Variants in CEACAM20 observed in about 807,000 individuals in gnomAD.
The protein encoded by CEACAM20 is cell adhesion molecule CEACAM20.
A neutral mutation model predicts 61.2 loss-of-function variants in CEACAM20; 50 were observed. The observed-to-expected ratio is 0.82, with a 90% CI of 0.65 to 1.03. CEACAM20 has a LOEUF of 1.03. Among genes scored for constraint, CEACAM20 ranks in the 50% least tolerant of loss-of-function variants. The pLI, the probability that CEACAM20 is intolerant of heterozygous loss-of-function variation, is 0.00. For synonymous variants in CEACAM20, 282 were observed against 287.7 expected (o/e 0.98, Z 0.20); for missense variants, 683 against 736.4 (o/e 0.93, Z 0.84).
intron 11 of CEACAM20, among the ~76,000 whole-genome samples, chr19:44,508,627 T>C (rs2123544466): frequency 6.6e-6 from 1 of 152,290 alleles, no homozygotes; most frequent in East Asian, 1.9e-4. Context: ...TGACCTCAAG[T>C]GATCTGCTCG....
intron 2 of CEACAM20, among the ~76,000 whole-genome samples, chr19:44,524,884 CT>C (rs140288730): frequency 0.017 from 2,658 of 152,102 alleles, 91 homozygotes; most frequent in African/African-American, 0.06. Flanking sequence ...CCCAGCCCCC[CT>C]ACCCACTTTT....
chr19:44,512,998 C>G (rs766055132), intron 7 of CEACAM20, 45 bp from the exon 8 acceptor site: 13 of 1,520,592 alleles, frequency 8.5e-6, no homozygotes, highest in Middle Eastern at 1.7e-4. Flanking sequence ...TAGTCCTTGC[C>G]CATCTCCACA....
rs1461235291 is a variant in CEACAM20 at position 44,523,041 on chromosome 19, G to C, written c.473-129C>G. 8 of 779,768 alleles carry C rather than the reference G, an allele frequency of 1.0e-5. No homozygotes were observed. In the East Asian group the frequency reaches 2.2e-4, roughly 21 times the overall value. The allele number at this position is 779,768 out of a possible 1,614,324, so 48.3% of individuals were successfully genotyped here. On this transcript the variant is annotated intron_variant, in intron 3 of 11. Coordinates refer to ENST00000614924, the MANE Select transcript of CEACAM20 (RefSeq NM_001102597.3). ...CTCAAAGGCTAGATCAATTGCAAACGAGGTACAGCAGTCAGATGGAGATGA... is the reference window on the plus strand; with the variant it reads ...CTCAAAGGCTAGATCAATTGCAAACCAGGTACAGCAGTCAGATGGAGATGA...
At chr19:44,516,345 C>T (rs1183324267) in intron 6 of CEACAM20, among the ~76,000 whole-genome samples, 1 of 152,172 alleles carries the variant, frequency 6.6e-6, no homozygotes, top group Admixed American at 6.5e-5. Flanking sequence ...GCTGTGTCCC[C>T]ACCCAAATCT....
At position 44,524,158 on chromosome 19, in the gene CEACAM20, G is replaced by A. The variant is rs1172527405; in HGVS notation, c.300C>T (p.His100=). 6.2e-7 allele frequency: 1 copy of A among 1,613,944 alleles called. No homozygotes were observed. The highest frequency in any genetic ancestry group is 1.7e-5 in the Admixed American group (1 of 59,994). ...CTTKDVNITI[H]WVSNNLSIVF... ...CAATGGAGAGGTTGTTGGAAACCCA[G>A]TGGATGGTAATGTTGACGTCCTTAG... Residue 100 remains histidine, a synonymous_variant, in exon 3 of 12, where the codon CAC becomes CAT. Coordinates refer to ENST00000614924, the MANE Select transcript of CEACAM20 (RefSeq NM_001102597.3).
intron 5 of CEACAM20, among the ~76,000 whole-genome samples, chr19:44,519,559 C>T (rs1317187464): frequency 6.6e-6 from 1 of 152,180 alleles, no homozygotes; most frequent in Admixed American, 6.5e-5. Flanking sequence ...GTTCGTGACT[C>T]CTACATCCTT....
intron 8 of CEACAM20, 120 bp downstream of exon 8, chr19:44,512,748 G>C (rs967237188): frequency 2.7e-6 from 2 of 747,252 alleles, no homozygotes; most frequent in Admixed American, 2.5e-5. Flanking sequence ...GAGGCTCAGA[G>C]TGGACAGGGC....
chr19:44,520,768 G>A lies in CEACAM20; in HGVS notation c.752-16C>T. Reference sequence around the variant, plus strand: ...GTCAGTGTTTCTGGAAACACGTGGAGATACACAGTCAGGTTCAGGGAGATT... The same window carrying A: ...GTCAGTGTTTCTGGAAACACGTGGAAATACACAGTCAGGTTCAGGGAGATT... On this transcript the variant is annotated splice_polypyrimidine_tract_variant and intron_variant, in intron 4 of 11. Transcript: ENST00000614924. 6.2e-7 allele frequency: 1 copy of A among 1,607,612 alleles called. No homozygotes were observed. Among genetic ancestry groups the A allele is most frequent in the Non-Finnish European group, 8.5e-7 (1 of 1,176,918 alleles).
At chr19:44,508,648 C>T (rs1970885639) in intron 11 of CEACAM20, among the ~76,000 whole-genome samples, 1 of 152,202 alleles carries the variant, frequency 6.6e-6, no homozygotes, top group Non-Finnish European at 1.5e-5. Flanking sequence ...CCTCCACCTC[C>T]CAAAGTGCTG....
intron 5 of CEACAM20, among the ~76,000 whole-genome samples, chr19:44,519,363 A>G (rs539377744): frequency 2.0e-5 from 3 of 152,328 alleles, no homozygotes; most frequent in South Asian, 2.1e-4. Context: ...AGCACAAAAC[A>G]TATATTTTTG....
chr19:44,508,180 C>T (rs1005990423), intron 11 of CEACAM20, among the ~76,000 whole-genome samples: 4 of 152,188 alleles, frequency 2.6e-5, no homozygotes, highest in African/African-American at 9.7e-5. Context: ...TGGATAAATT[C>T]TGACTGGTCA....
chr19:44,526,625 C>A (rs1238750193), intron 1 of CEACAM20, among the ~76,000 whole-genome samples: 1 of 151,972 alleles, frequency 6.6e-6, no homozygotes, highest in African/African-American at 2.4e-5. Flanking sequence ...GCTTGTAATC[C>A]CAGCTCTTTG....
chr19:44,513,331 C>T, intron 6 of CEACAM20, 42 bp from the exon 7 acceptor site: 3 of 1,325,536 alleles, frequency 2.3e-6, no homozygotes, highest in South Asian at 1.2e-5. Flanking sequence ...TTGACACACC[C>T]TCATCCCTGC....
chr19:44,507,049 C>T (rs1194627552), intron 11 of CEACAM20, among the ~76,000 whole-genome samples: 7 of 152,202 alleles, frequency 4.6e-5, no homozygotes, highest in Admixed American at 4.6e-4. Context: ...GTAGCAGACA[C>T]TGAGTTCACT....
At chr19:44,521,594 A>C (rs553082547) in intron 4 of CEACAM20, among the ~76,000 whole-genome samples, 44 of 151,340 alleles carry the variant, frequency 2.9e-4, no homozygotes, top group Admixed American at 5.3e-4. Flanking sequence ...GTATATGTGT[A>C]TGTGCTGTGG....
chr19:44,525,218 G>C lies in CEACAM20; in HGVS notation c.79C>G (p.Pro27Ala), dbSNP rs557857518. The C allele has an allele frequency of 6.2e-7, 1 of 1,608,194 alleles. No individual in the cohort carries two copies. The highest frequency in any genetic ancestry group is 8.5e-7 in the Non-Finnish European group (1 of 1,177,736). Residue 27 changes from proline (P) to alanine (A), a missense_variant, in exon 2 of 12, where the codon CCA (proline) becomes GCA (alanine). By Grantham distance (27) the Pro-to-Ala change is conservative. Transcript: ENST00000614924. Reference protein sequence around the residue: ...SASLCTVWSPPAAAQLTLNAN... With the variant: ...SASLCTVWSPAAAAQLTLNAN... ...TTGAGGGTGAGCTGGGCTGCAGCTG[G>C]AGGACTCCATACGGTACAAAGCGAG... is the stretch of plus-strand genomic sequence containing the variant.
chr19:44,510,616 AAGGAAGG>A (rs1599664209), intron 11 of CEACAM20, among the ~76,000 whole-genome samples: 1,903 of 89,408 alleles, frequency 0.021, 68 homozygotes, highest in East Asian at 0.033. Flanking sequence ...AAGAAAAAGG[AAGGAAGG>A]AAGAAAGAAA....
intron 6 of CEACAM20, among the ~76,000 whole-genome samples, chr19:44,516,368 T>C (rs1002557448): frequency 6.6e-6 from 1 of 152,236 alleles, no homozygotes; most frequent in African/African-American, 2.4e-5. Flanking sequence ...TCTTGAATTG[T>C]AGCTCCCATA....
chr19:44,510,168 T>A (rs1970929411), intron 11 of CEACAM20, among the ~76,000 whole-genome samples: 1 of 150,488 alleles, frequency 6.6e-6, no homozygotes, highest in Non-Finnish European at 1.5e-5. Flanking sequence ...AAGAAAGAGA[T>A]GGAAAGGAGT....
Sources: allele counts gnomAD v4.1 joint callset (sites outside exome capture counted in the v4.1 genomes callset), GRCh38; gene constraint gnomAD v4.1.1; transcripts MANE v1.5; gene names NCBI Gene and HGNC (gene_info 2026-07-23, HGNC 2026-07-21).